GRM5: variants seen among roughly 807,000 people sequenced by gnomAD.
GRM5 encodes the protein metabotropic glutamate receptor 5.
In GRM5, 19 loss-of-function variants were observed where a neutral mutation model predicts 83.1. That is an observed-to-expected ratio of 0.23 (90% CI 0.16 to 0.34). The LOEUF is 0.34. Among genes scored for constraint, GRM5 ranks in the 10% least tolerant of loss-of-function variants. GRM5 has a pLI of 1.00. For synonymous variants in GRM5, 675 were observed against 633.6 expected (o/e 1.07, Z -0.98); for missense variants, 1,160 against 1,588.3 (o/e 0.73, Z 4.58).
At chr11:88,928,232 G>A (rs557548254) in intron 2 of GRM5, among the ~76,000 whole-genome samples, 7 of 152,130 alleles carry the variant, frequency 4.6e-5, no homozygotes, top group Non-Finnish European at 7.4e-5. Context: ...GGAATTCTGG[G>A]TTTTAATTGT....
chr11:88,929,531 G>A (rs980799103), intron 2 of GRM5, among the ~76,000 whole-genome samples: 5 of 151,998 alleles, frequency 3.3e-5, no homozygotes, highest in African/African-American at 9.7e-5. Context: ...TCAGTCTAAT[G>A]GCCTATTTAA....
At chr11:88,639,054 C>G (rs1285137460) in intron 4 of GRM5, among the ~76,000 whole-genome samples, 2 of 152,080 alleles carry the variant, frequency 1.3e-5, no homozygotes, top group Admixed American at 6.6e-5. Flanking sequence ...GAGGTGGAAG[C>G]TGTGGCCATT....
intron 8 of GRM5, among the ~76,000 whole-genome samples, chr11:88,545,707 AT>A (rs779136695): frequency 6.6e-6 from 1 of 152,150 alleles, no homozygotes; most frequent in Non-Finnish European, 1.5e-5. Context: ...AGTTGAAACC[AT>A]CGTGATTTCT....
At position 88,582,375 on chromosome 11, in the gene GRM5, G is replaced by T. The variant is rs1943229339; in HGVS notation, c.1690+8226C>A. Among the ~76,000 whole-genome samples, 4 of 152,074 alleles carry T rather than the reference G, an allele frequency of 2.6e-5. No individual in the cohort carries two copies. The South Asian group carries it at 6.2e-4, about 24-fold the overall frequency. On this transcript the variant is annotated intron_variant, in intron 7 of 9. Coordinates refer to ENST00000305447, the MANE Select transcript of GRM5 (RefSeq NM_001143831.3). Reference sequence around the variant, plus strand: ...AATTTAATGCAATTATTTAAGTAAGGTTAGGTACCTTCCATTTATATTTGT... The same window carrying T: ...AATTTAATGCAATTATTTAAGTAAGTTTAGGTACCTTCCATTTATATTTGT...
intron 2 of GRM5, among the ~76,000 whole-genome samples, chr11:88,998,015 AC>A (rs1207708432): frequency 6.8e-6 from 1 of 146,398 alleles, no homozygotes; most frequent in Non-Finnish European, 1.5e-5. Flanking sequence ...AAAACTAATA[AC>A]AAAAAAAAAT....
intron 2 of GRM5, among the ~76,000 whole-genome samples, chr11:88,993,121 C>T (rs1251879854): frequency 6.6e-6 from 1 of 151,530 alleles, no homozygotes; most frequent in Non-Finnish European, 1.5e-5. Flanking sequence ...AAAAAATTAG[C>T]TGGGCATCCT....
In GRM5 at chr11:88,971,415, G is replaced by T. The variant is rs565524154; in HGVS notation, c.661+75797C>A. On this transcript the variant is annotated intron_variant, in intron 2 of 9. Transcript: ENST00000305447. ...TGAGCATAGAAGCTAATAGTTTTTT[G>T]ATCTTCACCCTCCTCCCACTCTCCA... Among the ~76,000 whole-genome samples the T allele has an allele frequency of 6.6e-5, 10 of 152,038 alleles. No individual in the cohort carries two copies. The East Asian group carries it at 1.2e-3, about 18-fold the overall frequency.
At position 89,053,495 on chromosome 11, in the gene GRM5, C is replaced by T. The variant is rs184938399; in HGVS notation, c.-200-5423G>A. Reference sequence around the variant, plus strand: ...AGGAATACATCAAATCTATCAGCATCACTCATGTGTTTTCTATAAATGTTT... The same window carrying T: ...AGGAATACATCAAATCTATCAGCATTACTCATGTGTTTTCTATAAATGTTT... On this transcript the variant is annotated intron_variant, in intron 1 of 9. Coordinates refer to ENST00000305447, the MANE Select transcript of GRM5 (RefSeq NM_001143831.3). Among the ~76,000 whole-genome samples, 140 of 152,256 alleles carry T rather than the reference C, an allele frequency of 9.2e-4. 1 individual carries two copies. In the East Asian group the frequency reaches 0.024, roughly 26 times the overall value.
intron 7 of GRM5, among the ~76,000 whole-genome samples, chr11:88,587,184 T>A (rs973561265): frequency 6.6e-6 from 1 of 152,216 alleles, no homozygotes; most frequent in Non-Finnish European, 1.5e-5. Flanking sequence ...AAGCAGAATT[T>A]GTTTTAGAAA....
At chr11:88,541,106 A>G (rs1267947767) in intron 8 of GRM5, among the ~76,000 whole-genome samples, 1 of 152,120 alleles carries the variant, frequency 6.6e-6, no homozygotes, top group African/African-American at 2.4e-5. Context: ...TTCTCCTGGT[A>G]TTAGGATAAC....
chr11:88,696,198 C>G (rs1232753618), intron 3 of GRM5, among the ~76,000 whole-genome samples: 1 of 152,112 alleles, frequency 6.6e-6, no homozygotes, highest in Non-Finnish European at 1.5e-5. Flanking sequence ...CCTCCCACTG[C>G]TCCTGGCTGA....
At chr11:88,594,139 A>T (rs1352744696) in intron 6 of GRM5, among the ~76,000 whole-genome samples, 1 of 152,182 alleles carries the variant, frequency 6.6e-6, no homozygotes, top group Non-Finnish European at 1.5e-5. Context: ...GGTCAAAAAT[A>T]AACAAAAATT....
chr11:88,838,617 C>A (rs987745598), intron 3 of GRM5, among the ~76,000 whole-genome samples: 7 of 152,052 alleles, frequency 4.6e-5, no homozygotes, highest in Non-Finnish European at 8.8e-5. Context: ...ATTTAATGAA[C>A]CTTTAAATCC....
chr11:88,845,423 CTTTTTTTTTTTTTTTT>C (rs71046265), intron 3 of GRM5, among the ~76,000 whole-genome samples: 5 of 92,446 alleles, frequency 5.4e-5, no homozygotes, highest in Non-Finnish European at 1.0e-4. Context: ...ATAAACATAA[CTTTTTTTTTTTTTTTT>C]TTTTTTTTTT....
intron 4 of GRM5, among the ~76,000 whole-genome samples, chr11:88,617,519 G>A (rs34871554): frequency 0.097 from 14,808 of 152,174 alleles, 816 homozygotes; most frequent in East Asian, 0.25. Context: ...CCAGTCTGAG[G>A]AAAAGAAAAT....
At chr11:88,821,152 TA>T (rs1943783730) in intron 3 of GRM5, among the ~76,000 whole-genome samples, 1 of 151,974 alleles carries the variant, frequency 6.6e-6, no homozygotes, top group Admixed American at 6.6e-5. Context: ...AGAAGATAAT[TA>T]ACTATCTGTC....
At chr11:88,886,124 A>T (rs1344186626) in intron 2 of GRM5, among the ~76,000 whole-genome samples, 1 of 152,194 alleles carries the variant, frequency 6.6e-6, no homozygotes, top group Admixed American at 6.5e-5. Context: ...GTGCATTTGC[A>T]GCCAGCCAGT....
chr11:88,831,925 T>C (rs916074501), intron 3 of GRM5, among the ~76,000 whole-genome samples: 1 of 152,154 alleles, frequency 6.6e-6, no homozygotes, highest in South Asian at 2.1e-4. Flanking sequence ...CCCGTTAACA[T>C]TGGTGCCAGT....
intron 2 of GRM5, among the ~76,000 whole-genome samples, chr11:89,000,737 C>A (rs950731236): frequency 5.9e-5 from 9 of 151,826 alleles, no homozygotes; most frequent in African/African-American, 2.2e-4. Flanking sequence ...CTGTACAAGA[C>A]CCTAAAAGAA....
Sources: allele counts gnomAD v4.1 joint callset (sites outside exome capture counted in the v4.1 genomes callset), GRCh38; gene constraint gnomAD v4.1.1; transcripts MANE v1.5; gene names NCBI Gene and HGNC (gene_info 2026-07-23, HGNC 2026-07-21).